HPN: variants seen among roughly 807,000 people sequenced by gnomAD.
HPN encodes the protein serine protease hepsin.
A neutral mutation model predicts 55.9 loss-of-function variants in HPN; 13 were observed. The ratio of observed to expected loss-of-function variants is 0.23; its 90% CI spans 0.15 to 0.37. The LOEUF is 0.37. HPN is among the 10% of genes least tolerant of loss of function. The probability of loss-of-function intolerance (pLI) is 1.00; values close to 1 mark genes in which losing one functional copy is unlikely to be tolerated. For missense variants in HPN, 451 were observed against 575.8 expected, an observed-to-expected ratio of 0.78 and a Z score of 2.22; for synonymous variants, 225 against 240.3, an observed-to-expected ratio of 0.94 and a Z score of 0.59.
chr19:35,065,094 T>C (rs931950422), intron 9 of HPN, among the ~76,000 whole-genome samples, 156 bp from the exon 10 acceptor site: 6 of 152,148 alleles, frequency 3.9e-5, no homozygotes, highest in African/African-American at 1.4e-4. Context: ...AGTGCTGGGA[T>C]TACAGGCATG....
At position 35,050,487 on chromosome 19, in the gene HPN, C is replaced by T. The variant is rs185615157; in HGVS notation, c.160+971C>T. 3.7e-4 allele frequency: 480 copies of T among 1,288,506 alleles called. 3 individuals are homozygous for T. In the African/African-American group the frequency reaches 5.8e-3, roughly 15 times the overall value. 79.8% of individuals were successfully genotyped at this position (1,288,506 alleles called of 1,614,324 possible). A position where few individuals can be genotyped will look rare whatever the true frequency, so the allele number is the denominator to read the frequency against. On this transcript the variant is annotated intron_variant, in intron 4 of 12. Transcript: ENST00000672452. ...CCAGAGAGGACATGCAGCTGGGGAA[C>T]GAGGGGCCAGGAACAGCTCTTAGAC...
chr19:35,044,347 C>T lies in HPN; in HGVS notation c.16+1825C>T, dbSNP rs185816995. ...ATGCCAGGCAGAGGGAAGAGCAAGG[C>T]TCTTGCTCTTCTCTGGGAAGCTGGG... On this transcript the variant is annotated intron_variant, in intron 2 of 12. Coordinates refer to ENST00000672452, the MANE Select transcript of HPN (RefSeq NM_001384133.1). Among the ~76,000 whole-genome samples, 52 of 152,178 alleles carry T rather than the reference C, an allele frequency of 3.4e-4. No homozygotes were observed. In the East Asian group the frequency reaches 8.3e-3, roughly 24 times the overall value.
intron 9 of HPN, 120 bp from the exon 10 acceptor site, chr19:35,065,129 GT>G (rs113406953): frequency 0.014 from 8,087 of 578,860 alleles, 379 homozygotes; most frequent in African/African-American, 0.12. Context: ...GCCTATTGTG[GT>G]TTTTTTTTTA....
rs757397092 is a variant in HPN at position 35,049,453 on chromosome 19, C to T, written c.119-22C>T. 11 of 1,612,996 alleles carry T rather than the reference C, an allele frequency of 6.8e-6. No homozygotes were observed. In the South Asian group the frequency reaches 9.9e-5, roughly 15 times the overall value. On this transcript the variant is annotated intron_variant, in intron 3 of 12. Coordinates refer to ENST00000672452, the MANE Select transcript of HPN (RefSeq NM_001384133.1). ...CCCTGCAGCCTCCAGCCTGCCTGCC[C>T]TCACCCCTCCCTTCTCTGCAGTGGC... is the stretch of plus-strand genomic sequence containing the variant.
In HPN at chr19:35,065,531, A is replaced by AC. The variant is rs2064597067; in HGVS notation, c.908-3dup. Reference sequence around the variant, plus strand: ...CAGCTCTGGCCAGCCTTGCCTGCACACCCCCAGGCCAACAGGCCGGGGTAC... The same window carrying AC: ...CAGCTCTGGCCAGCCTTGCCTGCACACCCCCCAGGCCAACAGGCCGGGGTAC... On this transcript the variant is annotated splice_polypyrimidine_tract_variant and splice_region_variant and intron_variant, in intron 10 of 12. Transcript: ENST00000672452. The AC allele has an allele frequency of 6.2e-7, 1 of 1,613,302 alleles. No homozygotes were observed. The highest frequency in any genetic ancestry group is 8.5e-7 in the Non-Finnish European group (1 of 1,179,816).
At chr19:35,042,969 G>A (rs892281017) in intron 2 of HPN, among the ~76,000 whole-genome samples, 24 of 152,192 alleles carry the variant, frequency 1.6e-4, no homozygotes, top group African/African-American at 5.3e-4. Context: ...TCTGGGTCAA[G>A]CATGGATACC....
intron 5 of HPN, 29 bp downstream of exon 5, chr19:35,059,831 C>T: frequency 1.3e-6 from 2 of 1,531,098 alleles, no homozygotes; most frequent in Non-Finnish European, 1.8e-6. Context: ...GGGGTGGGAG[C>T]CGGGAGGGGC....
At chr19:35,060,095 T>A in intron 6 of HPN, 34 bp from the exon 7 acceptor site, 1 of 1,614,174 alleles carries the variant, frequency 6.2e-7, no homozygotes, top group Non-Finnish European at 8.5e-7. Flanking sequence ...CTCTATTTCC[T>A]TTCTTTCTGT....
At chr19:35,059,482 T>A (rs547872640) in intron 4 of HPN, 191 bp from the exon 5 acceptor site, 381 of 590,724 alleles carry the variant, frequency 6.4e-4, no homozygotes, top group East Asian at 9.3e-4. Context: ...ACCCTGTCTT[T>A]AAAAAAAAAA....
chr19:35,060,904 A>C (rs1195477242), intron 9 of HPN, 87 bp downstream of exon 9: 23 of 1,132,692 alleles, frequency 2.0e-5, no homozygotes, highest in Non-Finnish European at 2.9e-5. Context: ...CAATCAACTT[A>C]TGGCTCAGGC....
intron 9 of HPN, among the ~76,000 whole-genome samples, chr19:35,063,812 C>A (rs2151769261): frequency 6.6e-6 from 1 of 152,310 alleles, no homozygotes. Context: ...GGGTCAGATT[C>A]AGATATTTGC....
intron 4 of HPN, among the ~76,000 whole-genome samples, chr19:35,055,296 T>C (rs1387814953): frequency 6.6e-6 from 1 of 151,582 alleles, no homozygotes; most frequent in African/African-American, 2.4e-5. Context: ...ACTTGGGAGG[T>C]TGAGGCGGGA....
intron 1 of HPN, 26 bp from the exon 2 acceptor site, chr19:35,042,427 C>A: frequency 6.5e-7 from 1 of 1,546,762 alleles, no homozygotes; most frequent in Middle Eastern, 1.7e-4. Context: ...CCCCCAGGCC[C>A]TGCCTCCCCG....
chr19:35,053,602 G>A (rs529370349), intron 4 of HPN, among the ~76,000 whole-genome samples: 17 of 152,206 alleles, frequency 1.1e-4, no homozygotes, highest in South Asian at 6.2e-4. Context: ...AAAATTAGCC[G>A]GGCGTGGTGG....
At chr19:35,046,854 A>C (rs950550036) in intron 2 of HPN, among the ~76,000 whole-genome samples, 2 of 151,970 alleles carry the variant, frequency 1.3e-5, no homozygotes, top group Non-Finnish European at 2.9e-5. Flanking sequence ...TTTGAGACAG[A>C]GTCTCGCTCT....
At chr19:35,042,803 C>G (rs781359737) in intron 2 of HPN, among the ~76,000 whole-genome samples, 1 of 152,224 alleles carries the variant, frequency 6.6e-6, no homozygotes, top group Non-Finnish European at 1.5e-5. Context: ...CTGGACTTGT[C>G]CTCTGCTGGG....
intron 2 of HPN, among the ~76,000 whole-genome samples, chr19:35,043,007 G>A (rs761613873): frequency 1.3e-5 from 2 of 152,172 alleles, no homozygotes; most frequent in African/African-American, 4.8e-5. Context: ...GTTGCTGAGT[G>A]CATGACACAC....
In HPN at chr19:35,060,831, C is replaced by T. The variant is rs1269562996; in HGVS notation, c.811+14C>T. On this transcript the variant is annotated intron_variant, in intron 9 of 12. Transcript: ENST00000672452. ...TGCCCCTCACAGGTAAGTCTAAGGG[C>T]TGAGCCATGGGGCTTGAGGACCCGA... is the stretch of plus-strand genomic sequence containing the variant. 1.3e-6 allele frequency: 2 copies of T among 1,553,670 alleles called. No individual in the cohort carries two copies. Among genetic ancestry groups the T allele is most frequent in the Non-Finnish European group, 8.7e-7 (1 of 1,148,594 alleles).
intron 4 of HPN, among the ~76,000 whole-genome samples, chr19:35,054,030 G>C (rs1255980818): frequency 6.6e-6 from 1 of 152,192 alleles, no homozygotes; most frequent in African/African-American, 2.4e-5. Flanking sequence ...TGCTGGTCTG[G>C]GTTCAAGTCC....
Sources: allele counts gnomAD v4.1 joint callset (sites outside exome capture counted in the v4.1 genomes callset), GRCh38; gene constraint gnomAD v4.1.1; transcripts MANE v1.5; gene names NCBI Gene and HGNC (gene_info 2026-07-23, HGNC 2026-07-21).